The following BMPR1B variants were observed in gnomAD, a reference collection of about 807,000 sequenced individuals.
BMPR1B encodes bone morphogenetic protein receptor type-1B.
Under a neutral mutation model 59.1 loss-of-function variants are expected in BMPR1B, and 12 were observed. That is an observed-to-expected ratio of 0.20 (90% CI 0.13 to 0.33). The LOEUF is 0.33. BMPR1B is among the 10% of genes least tolerant of loss of function. The probability of loss-of-function intolerance (pLI) is 1.00; values close to 1 mark genes in which losing one functional copy is unlikely to be tolerated. For missense variants in BMPR1B, 550 were observed against 610.9 expected (o/e 0.90, Z 1.05); for synonymous variants, 237 against 207.3 (o/e 1.14, Z -1.23).
In BMPR1B at chr4:95,129,923, G is replaced by C. The variant is rs779006691; in HGVS notation, c.647G>C (p.Gly216Ala). 1.9e-6 allele frequency: 3 copies of C among 1,613,860 alleles called. No individual in the cohort carries two copies. The highest frequency in any genetic ancestry group is 1.7e-5 in the Admixed American group (1 of 59,966). Residue 216 changes from glycine to alanine, a missense_variant, in exon 9 of 13, where the codon GGG (glycine) becomes GCG (alanine). Around this residue, in one of 6 missense-constraint regions of BMPR1B, gnomAD observed 318 missense variants for 284.6 expected, o/e 1.12. Transcript: ENST00000515059. Reference sequence around the variant, plus strand: ...AAACAGATTGGAAAAGGTCGCTATGGGGAAGTTTGGATGGGAAAGTGGCGT... The same window carrying C: ...AAACAGATTGGAAAAGGTCGCTATGCGGAAGTTTGGATGGGAAAGTGGCGT... ...MVKQIGKGRY[G>A]EVWMGKWRGE...
At chr4:95,009,070 AAG>A (rs1315563779) in intron 3 of BMPR1B, among the ~76,000 whole-genome samples, 1 of 152,148 alleles carries the variant, frequency 6.6e-6, no homozygotes, top group African/African-American at 2.4e-5. Context: ...TAGAAAAAAA[AAG>A]AGTGATGTAT....
intron 3 of BMPR1B, among the ~76,000 whole-genome samples, chr4:95,080,046 A>G (rs1729004797): frequency 6.6e-6 from 1 of 152,148 alleles, no homozygotes; most frequent in Non-Finnish European, 1.5e-5. Context: ...TAATTGTGCC[A>G]TTTACAAATA....
intron 10 of BMPR1B, among the ~76,000 whole-genome samples, chr4:95,144,581 C>G (rs1456773428): frequency 1.3e-5 from 2 of 151,608 alleles, no homozygotes; most frequent in African/African-American, 4.9e-5. Flanking sequence ...TTTTATTTTC[C>G]TCAAATTGTA....
chr4:94,787,238 A>G (rs941344171), intron 1 of BMPR1B, among the ~76,000 whole-genome samples: 1 of 152,182 alleles, frequency 6.6e-6, no homozygotes, highest in African/African-American at 2.4e-5. Flanking sequence ...ATTCCCCTGC[A>G]GGCAGAGATC....
At chr4:95,105,085 T>A (rs1731105744) in intron 4 of BMPR1B, among the ~76,000 whole-genome samples, 1 of 152,100 alleles carries the variant, frequency 6.6e-6, no homozygotes, top group Admixed American at 6.6e-5. Context: ...TACTAGAAAA[T>A]ACTCTTTAAT....
intron 2 of BMPR1B, among the ~76,000 whole-genome samples, chr4:94,897,901 G>A (rs1727645802): frequency 6.9e-6 from 1 of 144,922 alleles, no homozygotes; most frequent in African/African-American, 2.5e-5. Context: ...AAGGGTAGGA[G>A]TACTTTAATG....
At chr4:95,034,346 T>C (rs573090785) in intron 3 of BMPR1B, among the ~76,000 whole-genome samples, 1 of 152,198 alleles carries the variant, frequency 6.6e-6, no homozygotes, top group Admixed American at 6.6e-5. Context: ...AAAAGTTCTT[T>C]AGTGGTGATT....
chr4:94,899,973 C>T (rs973845825), intron 2 of BMPR1B, among the ~76,000 whole-genome samples: 1 of 151,898 alleles, frequency 6.6e-6, no homozygotes, highest in Non-Finnish European at 1.5e-5. Flanking sequence ...CCGTACAGTT[C>T]TAGAAAATAG....
intron 3 of BMPR1B, among the ~76,000 whole-genome samples, chr4:95,045,488 G>A (rs530219465): frequency 3.3e-5 from 5 of 152,096 alleles, no homozygotes; most frequent in African/African-American, 9.6e-5. Flanking sequence ...TAGGCATATC[G>A]AGCTTCTCGT....
chr4:95,114,177 C>T (rs1328447552), intron 4 of BMPR1B, among the ~76,000 whole-genome samples: 1 of 152,080 alleles, frequency 6.6e-6, no homozygotes, highest in Admixed American at 6.6e-5. Flanking sequence ...AGTTTTTGTG[C>T]TTTAATAAGA....
chr4:94,999,709 T>C (rs1404476718), intron 3 of BMPR1B, among the ~76,000 whole-genome samples: 1 of 152,096 alleles, frequency 6.6e-6, no homozygotes, highest in African/African-American at 2.4e-5. Flanking sequence ...CAGGAGAGAA[T>C]AGGTCCATCC....
At chr4:94,961,866 TATG>T (rs1400873115) in intron 2 of BMPR1B, among the ~76,000 whole-genome samples, 1 of 152,212 alleles carries the variant, frequency 6.6e-6, no homozygotes, top group African/African-American at 2.4e-5. Context: ...TGATAAAGCA[TATG>T]ATGTGTGATA....
intron 1 of BMPR1B, among the ~76,000 whole-genome samples, chr4:94,867,783 C>A (rs901586719): frequency 6.6e-6 from 1 of 152,156 alleles, no homozygotes; most frequent in Non-Finnish European, 1.5e-5. Flanking sequence ...GACACATTGC[C>A]CAGTAAATGT....
chr4:94,858,055 C>G (rs572933037), intron 1 of BMPR1B, among the ~76,000 whole-genome samples: 54 of 152,262 alleles, frequency 3.5e-4, no homozygotes, highest in African/African-American at 1.3e-3. Context: ...ACGCCATTCT[C>G]CTGCCTCAGT....
At chr4:95,144,338 C>G (rs970701004) in intron 10 of BMPR1B, among the ~76,000 whole-genome samples, 1 of 152,034 alleles carries the variant, frequency 6.6e-6, no homozygotes, top group African/African-American at 2.4e-5. Context: ...CCACACCCAG[C>G]AAATTTTTGT....
At chr4:95,024,939 A>G (rs1404331260) in intron 3 of BMPR1B, among the ~76,000 whole-genome samples, 3 of 151,962 alleles carry the variant, frequency 2.0e-5, no homozygotes, top group Non-Finnish European at 4.4e-5. Context: ...TGTCTCTACT[A>G]AAAATACAAA....
intron 1 of BMPR1B, among the ~76,000 whole-genome samples, chr4:94,853,563 C>A (rs988414370): frequency 4.6e-5 from 7 of 151,912 alleles, no homozygotes; most frequent in African/African-American, 1.7e-4. Context: ...AATAAGGTAA[C>A]TTTTATTGTT....
At chr4:94,760,790 G>A (rs980142653) in intron 1 of BMPR1B, among the ~76,000 whole-genome samples, 2 of 152,172 alleles carry the variant, frequency 1.3e-5, no homozygotes, top group African/African-American at 2.4e-5. Flanking sequence ...CCTGGTATGT[G>A]ATAGATACTC....
Position 95,131,527 on chromosome 4 carries a change from G to T in BMPR1B, c.1076+15G>T. 1 of 1,613,232 alleles carries T rather than the reference G, an allele frequency of 6.2e-7. No individual in the cohort carries two copies. Among genetic ancestry groups the T allele is most frequent in the South Asian group, 1.1e-5 (1 of 91,038 alleles). On this transcript the variant is annotated intron_variant, in intron 10 of 12. Transcript: ENST00000515059. ...AAATTTATTAGGTTAGTATCAAAGT[G>T]AACAAATACATGTTTTATGACTCTT...
Sources: allele counts gnomAD v4.1 joint callset (sites outside exome capture counted in the v4.1 genomes callset), GRCh38; gene constraint gnomAD v4.1.1; regional missense constraint gnomAD v4.1.1; transcripts MANE v1.5; gene names NCBI Gene and HGNC (gene_info 2026-07-23, HGNC 2026-07-21).